ATP8A2: variants seen among roughly 807,000 people sequenced by gnomAD.
ATP8A2 encodes phospholipid-transporting ATPase IB.
Under a neutral mutation model 165.6 loss-of-function variants are expected in ATP8A2, and 100 were observed. That is an observed-to-expected ratio of 0.60 (90% confidence interval 0.51 to 0.71). ATP8A2 has a LOEUF of 0.71. Ranked by LOEUF, ATP8A2 falls within the 30% of genes least tolerant of loss-of-function variation. The pLI is 0.00. For synonymous variants in ATP8A2, 543 were observed against 548.8 expected, an observed-to-expected ratio of 0.99 and a Z score of 0.15; for missense variants, 1,227 against 1,479.5, an observed-to-expected ratio of 0.83 and a Z score of 2.80.
intron 35 of ATP8A2, among the ~76,000 whole-genome samples, chr13:25,985,327 T>G (rs372424898): frequency 1.3e-5 from 2 of 152,244 alleles, no homozygotes; most frequent in African/African-American, 2.4e-5. Flanking sequence ...AGCCAAGTTC[T>G]TTCTTTCTTC....
chr13:25,631,285 G>A (rs1012520489), intron 24 of ATP8A2, among the ~76,000 whole-genome samples: 1 of 152,178 alleles, frequency 6.6e-6, no homozygotes, highest in Non-Finnish European at 1.5e-5. Flanking sequence ...TAGTGCAACC[G>A]AGGAATTGAA....
chr13:25,867,547 ATGTTTGGTTGT>A (rs2138789258), intron 33 of ATP8A2, among the ~76,000 whole-genome samples: 1 of 152,206 alleles, frequency 6.6e-6, no homozygotes, highest in African/African-American at 2.4e-5. Context: ...TGTGTGGGGC[ATGTTTGGTTGT>A]CCCACATCCA....
At chr13:26,008,069 A>T (rs752180790) in intron 35 of ATP8A2, among the ~76,000 whole-genome samples, 23 of 152,186 alleles carry the variant, frequency 1.5e-4, no homozygotes, top group Non-Finnish European at 2.9e-4. Flanking sequence ...ACATGCTAAT[A>T]TATTAATATA....
intron 2 of ATP8A2, among the ~76,000 whole-genome samples, chr13:25,513,907 G>C (rs1345569944): frequency 6.9e-6 from 1 of 145,058 alleles, no homozygotes. Context: ...GATGGGAGCA[G>C]TAAAGTCCAG....
At chr13:25,465,666 T>TCTTCCTTCCTTC (rs1491248215) in intron 1 of ATP8A2, among the ~76,000 whole-genome samples, 1 of 4,386 alleles carries the variant, frequency 2.3e-4, no homozygotes, top group Non-Finnish European at 7.3e-4. Flanking sequence ...TGCAGAGTTT[T>TCTTCCTTCCTTC]CTTTCTTTCT....
intron 25 of ATP8A2, among the ~76,000 whole-genome samples, chr13:25,747,002 C>T (rs217862): frequency 0.013 from 1,977 of 152,276 alleles, 44 homozygotes; most frequent in African/African-American, 0.045. Flanking sequence ...TCGTTCTGTC[C>T]TGCGAGCCTC....
chr13:25,868,232 G>C (rs767214499), intron 33 of ATP8A2: 18 of 396,154 alleles, frequency 4.5e-5, no homozygotes, highest in African/African-American at 1.1e-4. Context: ...TAAGGAGCTG[G>C]TAAAAATTAC....
chr13:25,724,257 CT>C (rs2043446907), intron 25 of ATP8A2, among the ~76,000 whole-genome samples: 1 of 152,200 alleles, frequency 6.6e-6, no homozygotes, highest in Non-Finnish European at 1.5e-5. Context: ...TGATCAGGAA[CT>C]TCCAGAAGGT....
At chr13:25,432,203 A>G (rs1422530413) in intron 1 of ATP8A2, among the ~76,000 whole-genome samples, 1 of 152,206 alleles carries the variant, frequency 6.6e-6, no homozygotes, top group Non-Finnish European at 1.5e-5. Flanking sequence ...TTTGTGCATG[A>G]AGAAAGCTAC....
intron 24 of ATP8A2, among the ~76,000 whole-genome samples, chr13:25,604,573 A>C (rs565641807): frequency 6.6e-6 from 1 of 152,352 alleles, no homozygotes; most frequent in East Asian, 1.9e-4. Flanking sequence ...CAATAAAATG[A>C]ATATTCTTTC....
intron 2 of ATP8A2, among the ~76,000 whole-genome samples, chr13:25,506,683 C>T (rs561034909): frequency 2.6e-5 from 4 of 152,258 alleles, no homozygotes; most frequent in Non-Finnish European, 4.4e-5. Context: ...TGAAGAGGAG[C>T]AGCATCTGTG....
At chr13:25,858,296 G>A (rs1317605643) in intron 30 of ATP8A2, among the ~76,000 whole-genome samples, 1 of 151,958 alleles carries the variant, frequency 6.6e-6, no homozygotes, top group African/African-American at 2.4e-5. Flanking sequence ...TTTTTAACTT[G>A]CTCCCTTCCT....
chr13:25,788,533 G>C (rs1465106914), intron 27 of ATP8A2, among the ~76,000 whole-genome samples: 2 of 152,162 alleles, frequency 1.3e-5, no homozygotes, highest in Admixed American at 6.5e-5. Flanking sequence ...TGTCTTCCAG[G>C]TGGCCTGGCT....
At chr13:25,885,287 A>G (rs1233943892) in intron 33 of ATP8A2, among the ~76,000 whole-genome samples, 1 of 151,506 alleles carries the variant, frequency 6.6e-6, no homozygotes, top group Non-Finnish European at 1.5e-5. Context: ...TAATTTTTGT[A>G]TCATTAGTAG....
chr13:25,862,967 A>G (rs1187924261), intron 33 of ATP8A2, among the ~76,000 whole-genome samples: 7 of 152,138 alleles, frequency 4.6e-5, no homozygotes, highest in Admixed American at 4.6e-4. Context: ...CCTTCATATT[A>G]TCTTTGTCCA....
At chr13:25,426,984 C>T (rs1223625266) in intron 1 of ATP8A2, among the ~76,000 whole-genome samples, 2 of 152,092 alleles carry the variant, frequency 1.3e-5, no homozygotes, top group Non-Finnish European at 2.9e-5. Flanking sequence ...ATGTCAGTAT[C>T]AGTTCATCAC....
chr13:25,749,782 G>C (rs143607092), intron 25 of ATP8A2, among the ~76,000 whole-genome samples: 1 of 152,330 alleles, frequency 6.6e-6, no homozygotes, highest in Non-Finnish European at 1.5e-5. Context: ...GGACATTCTG[G>C]TCACTATAGA....
rs376660053 is a variant in ATP8A2, at chr13:25,839,569, C to T, written c.2901C>T (p.Asn967=). The change falls in exon 30 of 37, where the codon AAC becomes AAT. Residue 967 remains asparagine (N), a synonymous_variant. Transcript: ENST00000381655. ...AGGTTTTCTGGGGTCACTGCATCAA[C>T]GCCTTGGTCCACTCCCTCATCCTCT... ...NTKVFWGHCI[N]ALVHSLILFW... is the part of the protein sequence containing the mutation. 37 of 1,613,964 alleles carry T rather than the reference C, an allele frequency of 2.3e-5. No individual in the cohort carries two copies. Among genetic ancestry groups the T allele is most frequent in the African/African-American group, 6.7e-5 (5 of 74,902 alleles).
intron 24 of ATP8A2, among the ~76,000 whole-genome samples, chr13:25,606,514 C>T (rs549091847): frequency 3.3e-5 from 5 of 152,172 alleles, no homozygotes; most frequent in African/African-American, 4.8e-5. Flanking sequence ...AATTGCCAGT[C>T]TCCTTCATCC....
Sources: allele counts gnomAD v4.1 joint callset (sites outside exome capture counted in the v4.1 genomes callset), GRCh38; gene constraint gnomAD v4.1.1; transcripts MANE v1.5; gene names NCBI Gene and HGNC (gene_info 2026-07-23, HGNC 2026-07-21).